The following PRKCH variants were observed in gnomAD, a reference collection of about 807,000 sequenced individuals.
PRKCH encodes protein kinase C eta type.
Under a neutral mutation model 82.5 loss-of-function variants are expected in PRKCH, and 28 were observed. That is an observed-to-expected ratio of 0.34 (90% CI 0.25 to 0.47). The LOEUF is 0.47. PRKCH is among the 20% of genes least tolerant of loss of function. The pLI is 1.00. For synonymous variants in PRKCH, 322 were observed against 327.4 expected, an observed-to-expected ratio of 0.98 and a Z score of 0.18; for missense variants, 705 against 881.8, an observed-to-expected ratio of 0.80 and a Z score of 2.54.
chr14:61,457,301 G>C lies in PRKCH; in HGVS notation c.1086G>C (p.Gly362=). 1.2e-6 allele frequency: 2 copies of C among 1,614,174 alleles called. No homozygotes were observed. The highest frequency in any genetic ancestry group is 4.5e-5 in the East Asian group (2 of 44,872). ...IDNFEFIRVL[G]KGSFGKVMLA... ...ACTTTGAGTTCATCCGAGTGTTGGGGAAGGGGAGTTTTGGGAAGGTGAGTC... is the reference window on the plus strand; with the variant it reads ...ACTTTGAGTTCATCCGAGTGTTGGGCAAGGGGAGTTTTGGGAAGGTGAGTC... Residue 362 remains glycine (G), a synonymous_variant, in exon 8 of 14, where the codon GGG becomes GGC. Transcript: ENST00000332981.
chr14:61,461,205 G>T (rs926720155), intron 9 of PRKCH, among the ~76,000 whole-genome samples: 1 of 152,110 alleles, frequency 6.6e-6, no homozygotes, highest in Non-Finnish European at 1.5e-5. Context: ...TTCCCCTGGA[G>T]CTCCAGTTCT....
At chr14:61,275,032 A>AT (rs1380054352) in intron 1 of PRKCH, among the ~76,000 whole-genome samples, 1 of 152,230 alleles carries the variant, frequency 6.6e-6, no homozygotes, top group Non-Finnish European at 1.5e-5. Context: ...GCTGTTTTAC[A>AT]TGCTGTCACT....
chr14:61,289,557 ATTAG>A (rs1477529184), intron 1 of PRKCH, among the ~76,000 whole-genome samples: 1 of 152,098 alleles, frequency 6.6e-6, no homozygotes. Flanking sequence ...AAATACCAAA[ATTAG>A]TTAGTCATGG....
intron 1 of PRKCH, chr14:61,390,593 T>A (rs974151256): frequency 6.6e-6 from 1 of 152,390 alleles, no homozygotes; most frequent in Non-Finnish European, 1.5e-5. Flanking sequence ...TGCTTGAACC[T>A]AGGAGATGGA....
At chr14:61,470,588 C>T (rs764270567) in intron 9 of PRKCH, among the ~76,000 whole-genome samples, 4 of 152,124 alleles carry the variant, frequency 2.6e-5, no homozygotes, top group Non-Finnish European at 5.9e-5. Flanking sequence ...TTTGGGGCCA[C>T]CCAGGGAGTT....
chr14:61,320,339 C>T (rs1047140163), upstream of PRKCH, among the ~76,000 whole-genome samples: 4 of 152,090 alleles, frequency 2.6e-5, no homozygotes, highest in Non-Finnish European at 1.5e-5. Flanking sequence ...GTGGCTCACG[C>T]CTGTAATCTC....
chr14:61,447,204 TTTTA>T (rs1385347576), intron 4 of PRKCH, among the ~76,000 whole-genome samples: 8 of 152,248 alleles, frequency 5.3e-5, no homozygotes, highest in Non-Finnish European at 1.0e-4. Flanking sequence ...GACTTAACAT[TTTTA>T]TTTGTTTTGT....
In PRKCH at chr14:61,549,835, TA is replaced by T; in HGVS notation, c.*5del. On this transcript the variant is annotated 3_prime_UTR_variant, in exon 14 of 14. Coordinates refer to ENST00000332981, the MANE Select transcript of PRKCH (RefSeq NM_006255.5). ...GTCTCCAGAATTGCAACCATAGCCT[TA>T]TGGGGAGTGAGAGAGAGGGCACGAG... 2 of 1,612,984 alleles carry T rather than the reference TA, an allele frequency of 1.2e-6. No individual in the cohort carries two copies. Among genetic ancestry groups the T allele is most frequent in the Non-Finnish European group, 8.5e-7 (1 of 1,179,564 alleles).
chr14:61,322,434 G>A lies in PRKCH; in HGVS notation c.333G>A (p.Thr111=). 6.3e-7 allele frequency: 1 copy of A among 1,597,732 alleles called. No individual in the cohort carries two copies. ...TGCAGTTCCAGGAGCTGCTGCGCAC[G>A]ACCGGCGCCTCGGACACCTTCGAGG... ...CTLQFQELLR[T]TGASDTFEGW... is the part of the protein sequence containing the mutation. The change falls in exon 1 of 14, where the codon ACG becomes ACA. Residue 111 remains threonine, a synonymous_variant. Coordinates refer to ENST00000332981, the MANE Select transcript of PRKCH (RefSeq NM_006255.5).
chr14:61,250,517 A>C (rs2044936197), intron 1 of PRKCH, among the ~76,000 whole-genome samples: 1 of 152,200 alleles, frequency 6.6e-6, no homozygotes, highest in South Asian at 2.1e-4. Flanking sequence ...GATTCCAGCT[A>C]TATGACGTTC....
At chr14:61,483,571 C>T (rs77861322) in intron 9 of PRKCH, among the ~76,000 whole-genome samples, 2,475 of 151,970 alleles carry the variant, frequency 0.016, 29 homozygotes, top group African/African-American at 0.026. Flanking sequence ...CTAATTAAGG[C>T]GTTAGTTAAA....
In PRKCH at chr14:61,274,885, A is replaced by G. The variant is rs530751243; in HGVS notation, c.-19+87217A>G. On this transcript the variant is annotated intron_variant, in intron 1 of 3. Transcript: ENST00000555185. ...TGTTCAGTAATGTTTTTAAAGATAC[A>G]TGAAAGTGAATATATGAGCTAATTG... Among the ~76,000 whole-genome samples the G allele has an allele frequency of 1.4e-4, 21 of 152,344 alleles. No individual in the cohort carries two copies. In the South Asian group the frequency reaches 3.5e-3, roughly 26 times the overall value.
chr14:61,452,859 G>T, intron 6 of PRKCH: 1 of 240,498 alleles, frequency 4.2e-6, no homozygotes, highest in African/African-American at 2.3e-5. Flanking sequence ...CAGTTGACAT[G>T]ATTCTTTGTT....
intron 12 of PRKCH, among the ~76,000 whole-genome samples, chr14:61,532,526 G>C (rs1026543689): frequency 6.6e-6 from 1 of 152,006 alleles, no homozygotes; most frequent in African/African-American, 2.4e-5. Context: ...CCTCATTCTC[G>C]TGTTTCAGAG....
At chr14:61,297,499 T>G (rs549182521) in intron 1 of PRKCH, among the ~76,000 whole-genome samples, 1 of 152,302 alleles carries the variant, frequency 6.6e-6, no homozygotes, top group Non-Finnish European at 1.5e-5. Context: ...GCTGCAGTGG[T>G]CTCCAACCTT....
intron 2 of PRKCH, among the ~76,000 whole-genome samples, chr14:61,422,103 A>T (rs1183390981): frequency 6.6e-6 from 1 of 152,020 alleles, no homozygotes; most frequent in African/African-American, 2.4e-5. Flanking sequence ...TGTTTTTTTG[A>T]GACAGGGTCT....
intron 1 of PRKCH, among the ~76,000 whole-genome samples, chr14:61,287,204 TAAAAAAAAAAA>T (rs35045657): frequency 7.8e-4 from 45 of 57,930 alleles, no homozygotes; most frequent in Admixed American, 4.9e-3. Flanking sequence ...GACTCCGTCT[TAAAAAAAAAAA>T]AAAAAAAAAA....
intron 10 of PRKCH, among the ~76,000 whole-genome samples, chr14:61,506,528 G>A (rs72712360): frequency 6.6e-6 from 1 of 152,080 alleles, no homozygotes; most frequent in Non-Finnish European, 1.5e-5. Flanking sequence ...TGGAAAGCTC[G>A]TCTTCTCTTC....
At chr14:61,310,462 T>C (rs931082434) in intron 1 of PRKCH, among the ~76,000 whole-genome samples, 1 of 152,162 alleles carries the variant, frequency 6.6e-6, no homozygotes, top group Non-Finnish European at 1.5e-5. Context: ...AGCTCCAAAA[T>C]GGTCTCCTTT....
Sources: gnomAD v4.1 joint callset for allele counts (sites outside exome capture counted in the v4.1 genomes callset) on GRCh38, gnomAD v4.1.1 for gene constraint, MANE v1.5 for transcripts, NCBI Gene and HGNC (gene_info 2026-07-23, HGNC 2026-07-21) for gene names.